Variants in PCBP3 observed in about 807,000 individuals in gnomAD.
PCBP3 encodes the protein poly(rC) binding protein 3, also known as poly(rC)-binding protein 3.
A neutral mutation model predicts 52.7 loss-of-function variants in PCBP3; 25 were observed. That is an observed-to-expected ratio of 0.47 (90% confidence interval 0.35 to 0.66). The LOEUF (loss-of-function observed/expected upper bound fraction) is 0.66. Among genes scored for constraint, PCBP3 ranks in the 30% least tolerant of loss-of-function variants. The pLI is 0.01. For synonymous variants in PCBP3, 162 were observed against 183.0 expected (o/e 0.89, Z 0.93); for missense variants, 391 against 490.3 (o/e 0.80, Z 1.91).
intron 3 of PCBP3, among the ~76,000 whole-genome samples, chr21:45,754,331 T>C (rs2087827580): frequency 6.6e-6 from 1 of 152,226 alleles, no homozygotes; most frequent in African/African-American, 2.4e-5. Flanking sequence ...AATTATGTCC[T>C]GGAAATCTAA....
chr21:45,794,032 T>C (rs558794040), intron 4 of PCBP3, among the ~76,000 whole-genome samples: 5 of 152,304 alleles, frequency 3.3e-5, no homozygotes, highest in Non-Finnish European at 7.3e-5. Flanking sequence ...TTGGTGTATA[T>C]TGGTATGCAA....
chr21:45,699,024 G>A (rs1379797023), intron 2 of PCBP3, among the ~76,000 whole-genome samples: 2 of 152,170 alleles, frequency 1.3e-5, no homozygotes, highest in African/African-American at 4.8e-5. Context: ...TATTGGAGCT[G>A]TGCTATTTAA....
intron 1 of PCBP3, among the ~76,000 whole-genome samples, chr21:45,648,303 A>G (rs999126146): frequency 2.0e-5 from 3 of 152,244 alleles, no homozygotes; most frequent in African/African-American, 4.8e-5. Context: ...AGGGAATAAC[A>G]TGATTAGATT....
intron 11 of PCBP3, among the ~76,000 whole-genome samples, chr21:45,911,463 G>A (rs60282450): frequency 0.049 from 7,416 of 152,130 alleles, 415 homozygotes; most frequent in African/African-American, 0.13. Context: ...AGAAGGAGGC[G>A]TCAAACCACC....
intron 1 of PCBP3, among the ~76,000 whole-genome samples, chr21:45,667,082 CTTTCTTT>C (rs2080853337): frequency 3.3e-5 from 2 of 61,252 alleles, no homozygotes; most frequent in African/African-American, 4.4e-5. Context: ...TTTGTTCTTT[CTTTCTTT>C]CTTTCTTTCT....
At chr21:45,674,944 C>T (rs1210153187) in intron 2 of PCBP3, among the ~76,000 whole-genome samples, 1 of 152,180 alleles carries the variant, frequency 6.6e-6, no homozygotes, top group Non-Finnish European at 1.5e-5. Flanking sequence ...GACATGCCCC[C>T]ACCTAGCACC....
intron 4 of PCBP3, among the ~76,000 whole-genome samples, chr21:45,785,509 G>GAGGT (rs577502827): frequency 8.3e-6 from 1 of 120,976 alleles, no homozygotes; most frequent in Admixed American, 7.6e-5. Flanking sequence ...GTCCGGGAGG[G>GAGGT]GGGGGGGTCA....
At chr21:45,785,339 G>C (rs76907622) in intron 4 of PCBP3, among the ~76,000 whole-genome samples, 1 of 145,910 alleles carries the variant, frequency 6.9e-6, no homozygotes. Context: ...GGAGGGAGGT[G>C]GGGGGGTCAG....
At chr21:45,848,292 A>C (rs531729367) in intron 4 of PCBP3, 2 of 152,352 alleles carry the variant, frequency 1.3e-5, no homozygotes, top group East Asian at 3.9e-4. Flanking sequence ...AAGAGAATGA[A>C]GTGAAGTCAG....
rs139952849 is a variant in PCBP3 at position 45,921,224 on chromosome 21, A to G, written c.717+3595A>G. Among the ~76,000 whole-genome samples, 959 of 103,024 alleles carry G rather than the reference A, an allele frequency of 9.3e-3. 8 individuals are homozygous for G. Among genetic ancestry groups the G allele is most frequent in the Non-Finnish European group, 0.012 (445 of 37,912 alleles). 67.6% of individuals were successfully genotyped at this position (103,024 alleles called of 152,430 possible). ...TTTAGTAGAAATTTTTAAAGCTTCA[A>G]TTTCTTACTATATCAATATAATTAT... On this transcript the variant is annotated intron_variant, in intron 13 of 17. Transcript: ENST00000681687.
chr21:45,909,159 C>T (rs1250491120), intron 9 of PCBP3, among the ~76,000 whole-genome samples, 196 bp from the exon 10 acceptor site: 2 of 152,146 alleles, frequency 1.3e-5, no homozygotes, highest in African/African-American at 4.8e-5. Flanking sequence ...CGTCTGTGTG[C>T]CCTGCCAGCC....
intron 3 of PCBP3, among the ~76,000 whole-genome samples, chr21:45,738,263 T>C (rs1171326850): frequency 6.6e-6 from 1 of 151,570 alleles, no homozygotes; most frequent in Non-Finnish European, 1.5e-5. Flanking sequence ...TAGAGTTTTT[T>C]TTTTTTTTTT....
chr21:45,802,843 C>T lies in PCBP3; in HGVS notation c.-125-47118C>T, dbSNP rs1341838293. Among the ~76,000 whole-genome samples the T allele has an allele frequency of 6.6e-6, 1 of 152,172 alleles. No individual in the cohort carries two copies. The highest frequency in any genetic ancestry group is 1.5e-5 in the Non-Finnish European group (1 of 68,022). On this transcript the variant is annotated intron_variant, in intron 4 of 17. Coordinates refer to ENST00000681687, the MANE Select transcript of PCBP3 (RefSeq NM_001384156.1). The surrounding 1 kb of genome is among the most constrained non-coding windows in gnomAD (Gnocchi z 5.1). ...AACCCTAGGGAAACCACACACAGGC[C>T]ACGGAGGGAAAAGCTTTTAACCCTT...
In PCBP3 at chr21:45,941,720, C is replaced by T; in HGVS notation, c.*14C>T. 2 of 1,598,310 alleles carry T rather than the reference C, an allele frequency of 1.3e-6. No homozygotes were observed. Among genetic ancestry groups the T allele is most frequent in the Non-Finnish European group, 1.7e-6 (2 of 1,172,026 alleles). On this transcript the variant is annotated 3_prime_UTR_variant, in exon 18 of 18. Transcript: ENST00000681687. ...GGCACGCTGTAATCCTACCCAGCAC[C>T]CTTCCCCCGCGTCACCCACCTGCCA...
chr21:45,894,136 A>C, intron 5 of PCBP3: 3 of 599,118 alleles, frequency 5.0e-6, no homozygotes, highest in Non-Finnish European at 6.3e-6. Context: ...GGCTCTGGGC[A>C]CTGAGTCCCA....
chr21:45,706,442 C>T (rs1175286622), intron 2 of PCBP3, among the ~76,000 whole-genome samples: 3 of 152,070 alleles, frequency 2.0e-5, no homozygotes, highest in African/African-American at 7.2e-5. Context: ...TCTCCTTTCC[C>T]TCCCTCTGCT....
chr21:45,652,205 C>CAA (rs1352453556), intron 1 of PCBP3, among the ~76,000 whole-genome samples: 1 of 152,068 alleles, frequency 6.6e-6, no homozygotes, highest in African/African-American at 2.4e-5. Flanking sequence ...TTCTTCTTGC[C>CAA]ATTTATTAAT....
intron 5 of PCBP3, among the ~76,000 whole-genome samples, chr21:45,856,074 C>T (rs2094281955): frequency 1.3e-5 from 2 of 152,170 alleles, no homozygotes; most frequent in South Asian, 4.1e-4. Flanking sequence ...AAATGGGCCT[C>T]CAAAGCCATC....
At chr21:45,678,537 G>A (rs900257993) in intron 2 of PCBP3, among the ~76,000 whole-genome samples, 2 of 152,084 alleles carry the variant, frequency 1.3e-5, no homozygotes, top group East Asian at 3.9e-4. Flanking sequence ...CCTTTAAGGG[G>A]TTCCATCCTT....
Sources: gnomAD v4.1 joint callset for allele counts (sites outside exome capture counted in the v4.1 genomes callset) on GRCh38, gnomAD v4.1.1 for gene constraint, Gnocchi (gnomAD v3.1) non-coding constraint, MANE v1.5 for transcripts, NCBI Gene and HGNC (gene_info 2026-07-23, HGNC 2026-07-21) for gene names.